Variants in USP10 observed in about 807,000 individuals in gnomAD.
USP10 encodes ubiquitin specific peptidase 10, also known as ubiquitin carboxyl-terminal hydrolase 10.
In USP10, 22 loss-of-function variants were observed where a neutral mutation model predicts 84.5. The observed-to-expected ratio is 0.26, with a 90% CI of 0.19 to 0.37. USP10 has a LOEUF of 0.37. Ranked by LOEUF, USP10 falls within the 10% of genes least tolerant of loss-of-function variation. The pLI is 1.00. For missense variants in USP10, 1,019 were observed against 998.9 expected (o/e 1.02, Z -0.27); for synonymous variants, 454 against 387.6 (o/e 1.17, Z -2.01).
chr16:84,746,541 G>C (rs1218612389), intron 4 of USP10, among the ~76,000 whole-genome samples: 3 of 152,178 alleles, frequency 2.0e-5, no homozygotes, highest in African/African-American at 7.2e-5. Context: ...TTGTGTGCCT[G>C]AACACATTTA....
At chr16:84,730,536 G>C (rs984139171) in intron 1 of USP10, among the ~76,000 whole-genome samples, 1 of 152,184 alleles carries the variant, frequency 6.6e-6, no homozygotes, top group African/African-American at 2.4e-5. Flanking sequence ...AAAAAACTCA[G>C]TGAACCGTTT....
intron 1 of USP10, among the ~76,000 whole-genome samples, chr16:84,715,653 AAC>A (rs1491244049): frequency 6.6e-5 from 10 of 152,074 alleles, no homozygotes; most frequent in South Asian, 2.1e-4. Flanking sequence ...TTTTTAAAAA[AAC>A]AAACAAGTAG....
intron 13 of USP10, among the ~76,000 whole-genome samples, chr16:84,776,365 G>A (rs1487142415): frequency 2.6e-5 from 4 of 152,142 alleles, no homozygotes; most frequent in Non-Finnish European, 4.4e-5. Flanking sequence ...ACACTGCAAG[G>A]TGCCAGGCTT....
In USP10 at chr16:84,733,490, G is replaced by C. The variant is rs767983509; in HGVS notation, c.77G>C (p.Arg26Pro). The C allele has an allele frequency of 9.9e-6, 16 of 1,608,758 alleles. No homozygotes were observed. In the East Asian group the frequency reaches 3.1e-4, roughly 31 times the overall value. Residue 26 changes from arginine (R) to proline (P), a missense_variant, in exon 2 of 14, where the codon CGA (arginine) becomes CCA (proline). By Grantham distance (103) the Arg-to-Pro change is moderately radical. Coordinates refer to ENST00000219473, the MANE Select transcript of USP10 (RefSeq NM_005153.3). Reference protein sequence around the residue: ...DEFNQFFVTPRSSVELPPYSG... With the variant: ...DEFNQFFVTPPSSVELPPYSG... ...TTCAATCAATTCTTTGTGACTCCTC[G>C]ATCTTCAGTTGAGGTAAGACAAAAC...
chr16:84,757,605 A>G (rs1912736598), intron 4 of USP10, among the ~76,000 whole-genome samples: 1 of 152,120 alleles, frequency 6.6e-6, no homozygotes, highest in African/African-American at 2.4e-5. Context: ...TCTTTCCTAT[A>G]TACAATTTGT....
chr16:84,733,004 T>C, intron 1 of USP10: 2 of 429,078 alleles, frequency 4.7e-6, no homozygotes, highest in Admixed American at 3.0e-5. Flanking sequence ...TTTCCTTTTT[T>C]GGATTTCCTT....
chr16:84,741,381 T>G (rs1026936522), intron 3 of USP10, among the ~76,000 whole-genome samples: 1 of 152,266 alleles, frequency 6.6e-6, no homozygotes, highest in Non-Finnish European at 1.5e-5. Flanking sequence ...TTTAATTGGC[T>G]GATGTCAACC....
chr16:84,768,460 C>CT (rs1032788153), intron 11 of USP10, 102 bp downstream of exon 11: 2 of 1,171,750 alleles, frequency 1.7e-6, no homozygotes, highest in African/African-American at 3.1e-5. Context: ...AGTTATGCCT[C>CT]TTAAATCAGT....
chr16:84,757,178 A>C (rs1022888337), intron 4 of USP10, among the ~76,000 whole-genome samples: 1 of 152,194 alleles, frequency 6.6e-6, no homozygotes, highest in East Asian at 1.9e-4. Context: ...CTTGGGGTTC[A>C]GTTCGTAACT....
intron 1 of USP10, among the ~76,000 whole-genome samples, chr16:84,727,414 A>C (rs1006720810): frequency 2.6e-5 from 4 of 152,234 alleles, no homozygotes; most frequent in African/African-American, 4.8e-5. Context: ...AGGAGAGGGT[A>C]AAGGTTTTCC....
At position 84,745,456 on chromosome 16, in the gene USP10, C is replaced by T. The variant is rs990325890; in HGVS notation, c.975C>T (p.Asp325=). The stretch of plus-strand genomic sequence containing the variant: ...CCGAGAGTGCATCACCTCCTGCTGA[C>T]GGCACGGGCTCTGCATCAGGCACCC... ...TKPESASPPA[D]GTGSASGTLP... is the part of the protein sequence containing the mutation. Residue 325 remains aspartate, a synonymous_variant, in exon 4 of 14, where the codon GAC becomes GAT. Transcript: ENST00000219473. 8.1e-6 allele frequency: 13 copies of T among 1,613,532 alleles called. No homozygotes were observed. Among genetic ancestry groups the T allele is most frequent in the South Asian group, 4.4e-5 (4 of 91,044 alleles).
chr16:84,735,579 G>T (rs943519438), intron 2 of USP10, among the ~76,000 whole-genome samples: 5 of 152,100 alleles, frequency 3.3e-5, no homozygotes, highest in African/African-American at 1.2e-4. Context: ...TCACAGAAAT[G>T]TTGGGAAATC....
chr16:84,704,612 A>T lies in USP10; in HGVS notation c.21+4501A>T, dbSNP rs1001191687. On this transcript the variant is annotated intron_variant, in intron 1 of 13. Transcript: ENST00000219473. ...AGAATTAGTGTAGGAAAATAAAGGT[A>T]GCCCTTGGGGTATGTGTATAGTATT... 3 of 1,186,114 alleles carry T rather than the reference A, an allele frequency of 2.5e-6. No individual in the cohort carries two copies. In the African/African-American group the frequency reaches 4.6e-5, roughly 18 times the overall value. 73.5% of individuals were successfully genotyped at this position (1,186,114 alleles called of 1,614,324 possible).
chr16:84,774,439 C>T lies in USP10; in HGVS notation c.2144-721C>T, dbSNP rs1233252303. Among the ~76,000 whole-genome samples the T allele has an allele frequency of 2.0e-5, 3 of 151,994 alleles. No individual in the cohort carries two copies. The South Asian group carries it at 6.2e-4, about 32-fold the overall frequency. On this transcript the variant is annotated intron_variant, in intron 12 of 13. Transcript: ENST00000219473. Reference sequence around the variant, plus strand: ...TAGACTGGTTCCTATTTGGAGAAATCATGTTACTGTTCTGTAACTGAAGTT... The same window carrying T: ...TAGACTGGTTCCTATTTGGAGAAATTATGTTACTGTTCTGTAACTGAAGTT...
At chr16:84,744,433 C>A (rs913228580) in intron 3 of USP10, among the ~76,000 whole-genome samples, 200 bp from the exon 4 acceptor site, 18 of 152,146 alleles carry the variant, frequency 1.2e-4, no homozygotes, top group African/African-American at 4.3e-4. Context: ...CAGGCTTCTG[C>A]TTTTCATATC....
intron 1 of USP10, among the ~76,000 whole-genome samples, chr16:84,725,105 A>G (rs1201060611): frequency 6.6e-6 from 1 of 152,188 alleles, no homozygotes; most frequent in Admixed American, 6.5e-5. Context: ...GTGTATTCAC[A>G]AAGTTTTGCA....
rs1430748202 is a variant in USP10, at chr16:84,775,029, A to G, written c.2144-131A>G. On this transcript the variant is annotated intron_variant, in intron 12 of 13. Transcript: ENST00000219473. ...AGTCAATTTTTGTGCAACTGAAGGG[A>G]TAGAGTGTTGTTTTGTTCCTGGTCT... 3 of 760,150 alleles carry G rather than the reference A, an allele frequency of 3.9e-6. No homozygotes were observed. The East Asian group carries it at 8.1e-5, about 20-fold the overall frequency. 47.1% of individuals were successfully genotyped at this position (760,150 alleles called of 1,614,324 possible).
chr16:84,769,798 G>T (rs1274353991), intron 11 of USP10, among the ~76,000 whole-genome samples: 6 of 152,102 alleles, frequency 3.9e-5, no homozygotes. Flanking sequence ...TTTTGCTTCT[G>T]CTGCAATTAC....
chr16:84,727,983 A>T (rs1249328868), intron 1 of USP10, among the ~76,000 whole-genome samples: 2 of 152,218 alleles, frequency 1.3e-5, no homozygotes, highest in Non-Finnish European at 2.9e-5. Flanking sequence ...AAATGTATTT[A>T]GTTATCATGT....
Sources: allele counts gnomAD v4.1 joint callset (sites outside exome capture counted in the v4.1 genomes callset), GRCh38; gene constraint gnomAD v4.1.1; transcripts MANE v1.5; gene names NCBI Gene and HGNC (gene_info 2026-07-23, HGNC 2026-07-21).